GRIN2A: variants seen among roughly 807,000 people sequenced by gnomAD.
The protein encoded by GRIN2A is glutamate ionotropic receptor NMDA type subunit 2A.
A neutral mutation model predicts 113.4 loss-of-function variants in GRIN2A; 22 were observed. The ratio of observed to expected loss-of-function variants is 0.19; its 90% confidence interval spans 0.14 to 0.28. The LOEUF (loss-of-function observed/expected upper bound fraction) is 0.28. Among genes scored for constraint, GRIN2A ranks in the 10% least tolerant of loss-of-function variants. The pLI, the probability that GRIN2A is intolerant of heterozygous loss-of-function variation, is 1.00. For missense variants in GRIN2A, 1,502 were observed against 1,887.0 expected, an observed-to-expected ratio of 0.80 and a Z score of 3.78; for synonymous variants, 827 against 738.4, an observed-to-expected ratio of 1.12 and a Z score of -1.94.
chr16:9,985,629 T>TA (rs761098968), intron 2 of GRIN2A, among the ~76,000 whole-genome samples: 1,487 of 142,210 alleles, frequency 0.01, 20 homozygotes, highest in African/African-American at 0.028. Flanking sequence ...TTGTGAGAGC[T>TA]AAAAAAAAAA....
intron 2 of GRIN2A, among the ~76,000 whole-genome samples, chr16:10,101,335 C>T (rs1391054316): frequency 6.6e-6 from 1 of 152,188 alleles, no homozygotes; most frequent in Non-Finnish European, 1.5e-5. Context: ...ATCCAACTGG[C>T]TCACCTTGGA....
In GRIN2A at chr16:9,763,602, C is replaced by T. The variant is rs1263409032; in HGVS notation, c.3942G>A (p.Lys1314=). The T allele has an allele frequency of 6.2e-7, 1 of 1,613,640 alleles. No individual in the cohort carries two copies. ...TTCCCTCCAGAAGCCGTTCCCTGTCCTTGAGGCTTATGCTCCGGGAGGGCC... is the reference window on the plus strand; with the variant it reads ...TTCCCTCCAGAAGCCGTTCCCTGTCTTTGAGGCTTATGCTCCGGGAGGGCC... ...LSRPSRSISL[K]DRERLLEGNF... is the part of the protein sequence containing the mutation. Residue 1314 remains lysine (K), a synonymous_variant, in exon 13 of 13, where the codon AAG becomes AAA. Coordinates refer to ENST00000330684, the MANE Select transcript of GRIN2A (RefSeq NM_001134407.3).
At chr16:10,144,920 C>CAGAAAAA (rs554767267) in intron 2 of GRIN2A, among the ~76,000 whole-genome samples, 1 of 59,416 alleles carries the variant, frequency 1.7e-5, no homozygotes, top group African/African-American at 6.3e-5. Context: ...GACCCTGTCT[C>CAGAAAAA]AAAAAAAAAA....
intron 2 of GRIN2A, among the ~76,000 whole-genome samples, chr16:10,179,067 C>G (rs989816441): frequency 6.6e-6 from 1 of 152,180 alleles, no homozygotes; most frequent in Non-Finnish European, 1.5e-5. Flanking sequence ...TGTGTAATTC[C>G]CAAACCAGGC....
At chr16:9,873,175 C>G (rs899723197) in intron 4 of GRIN2A, among the ~76,000 whole-genome samples, 1 of 152,064 alleles carries the variant, frequency 6.6e-6, no homozygotes, top group Non-Finnish European at 1.5e-5. Context: ...AATGGAGACT[C>G]AGAAAGGCAA....
intron 2 of GRIN2A, among the ~76,000 whole-genome samples, chr16:10,130,649 T>A (rs147830789): frequency 2.2e-4 from 34 of 152,294 alleles, no homozygotes; most frequent in Admixed American, 2.0e-3. Flanking sequence ...AAACATCACA[T>A]GATGGAATGT....
At chr16:9,938,874 T>C (rs1356514739) in intron 2 of GRIN2A, among the ~76,000 whole-genome samples, 4 of 152,184 alleles carry the variant, frequency 2.6e-5, no homozygotes, top group Non-Finnish European at 5.9e-5. Context: ...ACAAACTCTA[T>C]CTGACCCCCA....
At chr16:9,873,891 G>A (rs1274817778) in intron 4 of GRIN2A, among the ~76,000 whole-genome samples, 1 of 152,168 alleles carries the variant, frequency 6.6e-6, no homozygotes, top group Non-Finnish European at 1.5e-5. Context: ...CCACATAGAG[G>A]CCAGCACGGT....
chr16:10,105,137 T>C (rs1448274), intron 2 of GRIN2A, among the ~76,000 whole-genome samples: 64,270 of 151,910 alleles, frequency 0.42, 13,863 homozygotes, highest in African/African-American at 0.5. Context: ...TCTCTAGAGA[T>C]GGAAGCCTGG....
At chr16:9,957,004 C>A (rs1277276319) in intron 2 of GRIN2A, among the ~76,000 whole-genome samples, 1 of 152,174 alleles carries the variant, frequency 6.6e-6, no homozygotes, top group African/African-American at 2.4e-5. Flanking sequence ...CTTCCTCTGA[C>A]CTCTCAGTTG....
chr16:10,024,373 C>T (rs536388659), intron 2 of GRIN2A, among the ~76,000 whole-genome samples: 1 of 152,148 alleles, frequency 6.6e-6, no homozygotes, highest in South Asian at 2.1e-4. Context: ...CAGGTGTGTG[C>T]CACCACACCC....
chr16:9,990,989 C>A (rs1220574501), intron 2 of GRIN2A, among the ~76,000 whole-genome samples: 2 of 152,048 alleles, frequency 1.3e-5, no homozygotes, highest in Non-Finnish European at 2.9e-5. Context: ...ATGGCTTGAG[C>A]CTGGGAGGCA....
chr16:9,808,828 C>T (rs1357575060), intron 10 of GRIN2A, among the ~76,000 whole-genome samples: 1 of 152,106 alleles, frequency 6.6e-6, no homozygotes, highest in East Asian at 1.9e-4. Context: ...TGGTTTCATT[C>T]CTAGAAAACC....
intron 10 of GRIN2A, among the ~76,000 whole-genome samples, chr16:9,811,545 G>A (rs13332535): frequency 0.012 from 1,758 of 152,254 alleles, 39 homozygotes; most frequent in African/African-American, 0.04. Flanking sequence ...GATCACTTGA[G>A]GTCAGGAGTT....
Position 9,761,980 on chromosome 16 carries a change from G to A in GRIN2A, c.*1169C>T, listed in dbSNP as rs1900604289. 5.0e-6 allele frequency: 1 copy of A among 200,114 alleles called. No homozygotes were observed. The highest frequency in any genetic ancestry group is 1.9e-4 in the South Asian group (1 of 5,234). 12.4% of individuals were successfully genotyped at this position (200,114 alleles called of 1,614,324 possible). A position where few individuals can be genotyped will look rare whatever the true frequency, so the allele number is the denominator to read the frequency against. On this transcript the variant is annotated 3_prime_UTR_variant, in exon 13 of 13. Transcript: ENST00000330684. ...CGTGTTTTGAAGGCTTTTGATTTGA[G>A]GAGTTTGGGGTGGAAGTGAGTGTCC...
intron 4 of GRIN2A, among the ~76,000 whole-genome samples, chr16:9,886,425 T>C (rs756508632): frequency 6.6e-6 from 1 of 152,256 alleles, no homozygotes; most frequent in South Asian, 2.1e-4. Flanking sequence ...ACCCAGTATA[T>C]ACATTCATGG....
intron 2 of GRIN2A, among the ~76,000 whole-genome samples, chr16:10,087,880 A>T (rs4782228): frequency 0.34 from 40,552 of 118,578 alleles, 6,356 homozygotes; most frequent in Admixed American, 0.4. Flanking sequence ...TTTTTGAGAC[A>T]GGGTTTCACC....
chr16:9,862,019 G>T (rs2043077637), intron 4 of GRIN2A, among the ~76,000 whole-genome samples: 1 of 152,236 alleles, frequency 6.6e-6, no homozygotes, highest in African/African-American at 2.4e-5. Flanking sequence ...GGAATCAGTA[G>T]ATCTGGGATA....
chr16:10,060,761 G>C (rs1031305498), intron 2 of GRIN2A, among the ~76,000 whole-genome samples: 1 of 152,190 alleles, frequency 6.6e-6, no homozygotes, highest in Non-Finnish European at 1.5e-5. Context: ...GTAAATGGCA[G>C]ATTCAAAGCC....
Sources: gnomAD v4.1 joint callset for allele counts (sites outside exome capture counted in the v4.1 genomes callset) on GRCh38, gnomAD v4.1.1 for gene constraint, MANE v1.5 for transcripts, NCBI Gene and HGNC (gene_info 2026-07-23, HGNC 2026-07-21) for gene names.